Variants in CCDC18 observed in about 807,000 individuals in gnomAD.
CCDC18 encodes the protein coiled-coil domain-containing protein 18.
In CCDC18, 157 loss-of-function variants were observed where a neutral mutation model predicts 196.0. The observed-to-expected ratio is 0.80, with a 90% CI of 0.70 to 0.91. CCDC18 has a LOEUF of 0.91. Ranked by LOEUF, CCDC18 falls within the 40% of genes least tolerant of loss-of-function variation. CCDC18 has a pLI of 0.00. For missense variants in CCDC18, 1,465 were observed against 1,611.6 expected, an observed-to-expected ratio of 0.91 and a Z score of 1.56; for synonymous variants, 482 against 529.2, an observed-to-expected ratio of 0.91 and a Z score of 1.22.
In CCDC18 at chr1:93,232,461, TCA is replaced by T; in HGVS notation, c.2331_2332del (p.His777GlnfsTer7). On this transcript the variant is annotated frameshift_variant, in exon 18 of 29. Coordinates refer to ENST00000690025, the MANE Select transcript of CCDC18 (RefSeq NM_001378204.1). LOFTEE classifies it high-confidence loss of function. ...TACAGAAAGAGCTAAAGATAAAAAA[TCA>T]CAGTCTTCAAGAGACTTCTGAGCAA... Reference protein sequence around the residue: ...CLQKELKIKNHSLQETSEQNV... With the variant: ...CLQKELKIKNXSLQETSEQNV... 6 of 1,607,298 alleles carry T rather than the reference TCA, an allele frequency of 3.7e-6. No individual in the cohort carries two copies. Among genetic ancestry groups the T allele is most frequent in the Non-Finnish European group, 5.1e-6 (6 of 1,176,088 alleles).
At chr1:93,197,866 T>C (rs2815412) in intron 6 of CCDC18, among the ~76,000 whole-genome samples, 125,082 of 151,112 alleles carry the variant, frequency 0.83, 51,986 homozygotes, top group East Asian at 1. Context: ...ATTCTCTTGC[T>C]TCAGCCTCTC....
At chr1:93,236,806 C>T (rs1341354871) in intron 19 of CCDC18, among the ~76,000 whole-genome samples, 1 of 152,158 alleles carries the variant, frequency 6.6e-6, no homozygotes, top group Non-Finnish European at 1.5e-5. Flanking sequence ...AAAAGTGGTT[C>T]TCAGCCTTGA....
At chr1:93,193,155 C>T (rs1482024245) in intron 5 of CCDC18, among the ~76,000 whole-genome samples, 2 of 151,936 alleles carry the variant, frequency 1.3e-5, no homozygotes, top group East Asian at 1.9e-4. Context: ...ATGGTATTAT[C>T]AGCAAATAAA....
chr1:93,193,515 C>T (rs1468503669), intron 5 of CCDC18, 101 bp from the exon 6 acceptor site: 1 of 705,276 alleles, frequency 1.4e-6, no homozygotes, highest in African/African-American at 1.9e-5. Flanking sequence ...TTTCTCTTAA[C>T]TCATTGATTT....
At chr1:93,265,374 CCTT>C (rs1664356678) in intron 27 of CCDC18, among the ~76,000 whole-genome samples, 1 of 152,140 alleles carries the variant, frequency 6.6e-6, no homozygotes. Context: ...ACAACAGTGA[CCTT>C]CTTTGAGTCT....
At position 93,254,532 on chromosome 1, in the gene CCDC18, T is replaced by A; in HGVS notation, c.3260T>A (p.Ile1087Lys). 1.2e-6 allele frequency: 2 copies of A among 1,605,180 alleles called. No homozygotes were observed. The highest frequency in any genetic ancestry group is 2.2e-5 in the South Asian group (2 of 90,230). Reference protein sequence around the residue: ...AKEQLREKEFIMLQNEQEISQ... With the variant: ...AKEQLREKEFKMLQNEQEISQ... The stretch of plus-strand genomic sequence containing the variant: ...GAACAGCTTCGAGAAAAAGAGTTTA[T>A]AATGCTACAAAATGAACAGGAGATA... Residue 1087 changes from isoleucine to lysine, a missense_variant, in exon 24 of 29, where the codon ATA (isoleucine) becomes AAA (lysine). Physicochemically the swap from Ile to Lys is moderately radical, Grantham distance 102. Coordinates refer to ENST00000690025, the MANE Select transcript of CCDC18 (RefSeq NM_001378204.1).
rs1441102287 is a variant in CCDC18 at position 93,184,013 on chromosome 1, ATCC to A, written c.172_174del (p.Pro58del). ...AGTGAAAATTCTGATTATGCCCCTA[ATCC>A]TTCAAGGTCTGAAAAGCTAATTTTG... On this transcript the variant is annotated inframe_deletion, in exon 3 of 29. Coordinates refer to ENST00000690025, the MANE Select transcript of CCDC18 (RefSeq NM_001378204.1). The A allele has an allele frequency of 6.4e-7, 1 of 1,573,072 alleles. No homozygotes were observed. Among genetic ancestry groups the A allele is most frequent in the South Asian group, 1.2e-5 (1 of 83,870 alleles).
chr1:93,217,701 A>G (rs746350645), intron 13 of CCDC18, 37 bp from the exon 14 acceptor site: 1 of 1,551,586 alleles, frequency 6.4e-7, no homozygotes, highest in Non-Finnish European at 8.7e-7. Flanking sequence ...GGCCTCCCAA[A>G]TCAATTATAC....
In CCDC18 at chr1:93,193,643, C is replaced by A; in HGVS notation, c.597C>A (p.Ser199Arg). 1.3e-6 allele frequency: 2 copies of A among 1,587,862 alleles called. No homozygotes were observed. The highest frequency in any genetic ancestry group is 1.8e-5 in the Admixed American group (1 of 55,222). Reference protein sequence around the residue: ...LREAENKLEQSQKMVIEKEQS... With the variant: ...LREAENKLEQRQKMVIEKEQS... ...AGGCAGAAAATAAGCTGGAACAGAG[C>A]CAGAAAATGGTAATTGAAAAGGAAC... is the stretch of plus-strand genomic sequence containing the variant. Residue 199 changes from serine (S) to arginine (R), a missense_variant, in exon 6 of 29, where the codon AGC (serine) becomes AGA (arginine). By Grantham distance (110) the Ser-to-Arg change is moderately radical. Coordinates refer to ENST00000690025, the MANE Select transcript of CCDC18 (RefSeq NM_001378204.1).
chr1:93,246,040 CCTAA>C lies in CCDC18; in HGVS notation c.2982-62_2982-59del, dbSNP rs1305899103. The C allele has an allele frequency of 1.3e-4, 144 of 1,073,452 alleles. 1 individual carries two copies. Among genetic ancestry groups the C allele is most frequent in the Non-Finnish European group, 4.6e-5 (35 of 760,586 alleles). 66.5% of individuals were successfully genotyped at this position (1,073,452 alleles called of 1,614,324 possible). ...TTTATAGAAGAGGTAACCTGGTTGA[CCTAA>C]CTTTTTAAAATTATACTCTTCTACT... is the stretch of plus-strand genomic sequence containing the variant. On this transcript the variant is annotated intron_variant, in intron 21 of 28. Coordinates refer to ENST00000690025, the MANE Select transcript of CCDC18 (RefSeq NM_001378204.1).
intron 9 of CCDC18, among the ~76,000 whole-genome samples, chr1:93,210,552 A>G (rs1193603581): frequency 6.6e-6 from 1 of 152,114 alleles, no homozygotes; most frequent in Non-Finnish European, 1.5e-5. Flanking sequence ...TGCCACTATA[A>G]TTTGTTTTTC....
chr1:93,191,070 A>T, intron 4 of CCDC18: 1 of 697,110 alleles, frequency 1.4e-6, no homozygotes, highest in Non-Finnish European at 2.5e-6. Flanking sequence ...TGTTTGCGGG[A>T]GTGCTATCAG....
At chr1:93,192,688 T>G (rs1349993451) in intron 5 of CCDC18, among the ~76,000 whole-genome samples, 1 of 152,250 alleles carries the variant, frequency 6.6e-6, no homozygotes, top group Non-Finnish European at 1.5e-5. Flanking sequence ...TCGTCCTGCC[T>G]CGGCCTCCCA....
In CCDC18 at chr1:93,207,395, G is replaced by T; in HGVS notation, c.1206G>T (p.Leu402Phe). The change falls in exon 9 of 29, where the codon TTG becomes TTT. Residue 402 changes from leucine (L) to phenylalanine (F), a missense_variant. Transcript: ENST00000690025. ...GTTTGGAAAAGATTATATCCCAGTT[G>T]CCAGTAAGTATGTGTGATTACGTAA... Reference protein sequence around the residue: ...LRSLEKIISQLPLKRELFGFK... With the variant: ...LRSLEKIISQFPLKRELFGFK... 5.0e-6 allele frequency: 8 copies of T among 1,585,674 alleles called. No individual in the cohort carries two copies. The highest frequency in any genetic ancestry group is 6.9e-6 in the Non-Finnish European group (8 of 1,164,610).
intron 24 of CCDC18, 122 bp downstream of exon 24, chr1:93,254,736 G>GT (rs1354064580): frequency 8.7e-6 from 8 of 923,538 alleles, no homozygotes; most frequent in Middle Eastern, 3.0e-4. Context: ...TTTTAGGCTA[G>GT]TTTTTTGTGC....
Position 93,193,709 on chromosome 1 carries a change from G to A in CCDC18, c.663G>A (p.Lys221=), listed in dbSNP as rs1652226863. Residue 221 remains lysine, a synonymous_variant, in exon 6 of 29, where the codon AAG becomes AAA. Coordinates refer to ENST00000690025, the MANE Select transcript of CCDC18 (RefSeq NM_001378204.1). ...QESKEECIKL[K]VDLLEQTKQG... is the part of the protein sequence containing the mutation. ...CCAAAGAGGAATGTATAAAATTAAA[G>A]GTGGACTTACTTGAACAAACCAAAC... is the stretch of plus-strand genomic sequence containing the variant. 1 of 1,584,116 alleles carries A rather than the reference G, an allele frequency of 6.3e-7. No homozygotes were observed. The highest frequency in any genetic ancestry group is 8.6e-7 in the Non-Finnish European group (1 of 1,169,378).
chr1:93,252,150 A>AG (rs1557692268), intron 23 of CCDC18, among the ~76,000 whole-genome samples: 1 of 152,062 alleles, frequency 6.6e-6, no homozygotes, highest in Non-Finnish European at 1.5e-5. Context: ...GAATCCTCCC[A>AG]CTTCCGCATT....
chr1:93,197,745 C>CTTTT (rs71094240), intron 6 of CCDC18, among the ~76,000 whole-genome samples: 102 of 75,978 alleles, frequency 1.3e-3, no homozygotes, highest in South Asian at 2.3e-3. Context: ...CTTTTCTTTT[C>CTTTT]TTTTTTTTTT....
intron 6 of CCDC18, among the ~76,000 whole-genome samples, chr1:93,197,433 T>TA (rs1652910823): frequency 6.6e-6 from 1 of 152,084 alleles, no homozygotes; most frequent in Non-Finnish European, 1.5e-5. Context: ...TTTGAAAACT[T>TA]AGACTAAATA....
Sources: allele counts gnomAD v4.1 joint callset (sites outside exome capture counted in the v4.1 genomes callset), GRCh38; gene constraint gnomAD v4.1.1; transcripts MANE v1.5; gene names NCBI Gene and HGNC (gene_info 2026-07-23, HGNC 2026-07-21).